Variants in OR1J2 observed in about 807,000 individuals in gnomAD.
The protein encoded by OR1J2 is olfactory receptor family 1 subfamily J member 2, also known as olfactory receptor 1J2.
For missense variants in OR1J2, 304 were observed against 246.1 expected, an observed-to-expected ratio of 1.24 and a Z score of -1.57; for synonymous variants, 142 against 99.7, an observed-to-expected ratio of 1.42 and a Z score of -2.52.
At chr9:122,542,069 T>C in the OR1J2 span, among the ~76,000 whole-genome samples, 1 of 152,192 alleles carries the variant, frequency 6.6e-6, no homozygotes, top group East Asian at 1.9e-4. Context: ...GAAGTTCAGG[T>C]AAAAGGAATT....
At chr9:122,544,415 C>CTTTTTTTTTTTTTTTTTTTT in the OR1J2 span, among the ~76,000 whole-genome samples, 1 of 85,356 alleles carries the variant, frequency 1.2e-5, no homozygotes, top group Non-Finnish European at 2.2e-5. Flanking sequence ...CCTCTTTTTT[C>CTTTTTTTTTTTTTTTTTTTT]TTTTTTTTTT....
the OR1J2 span, among the ~76,000 whole-genome samples, chr9:122,566,794 G>A: frequency 5.3e-5 from 8 of 152,046 alleles, no homozygotes; most frequent in African/African-American, 1.7e-4. Flanking sequence ...GTTTCTAGAC[G>A]AAGTATTAAA....
the OR1J2 span, chr9:122,553,540 T>C: frequency 6.2e-7 from 1 of 1,614,006 alleles, no homozygotes; most frequent in African/African-American, 1.3e-5. Context: ...CTCCTTATGT[T>C]TGGTGGCCTT....
the OR1J2 span, among the ~76,000 whole-genome samples, chr9:122,551,550 C>T: frequency 4.2e-3 from 637 of 152,336 alleles, 6 homozygotes; most frequent in African/African-American, 0.015. Context: ...CAAGTGCTGA[C>T]TTGCCTAATG....
chr9:122,487,458 A>AAC, the OR1J2 span, among the ~76,000 whole-genome samples: 6,200 of 149,004 alleles, frequency 0.042, 161 homozygotes, highest in East Asian at 0.089. Context: ...GGAGATGATT[A>AAC]ACACACACAC....
the OR1J2 span, among the ~76,000 whole-genome samples, chr9:122,577,400 A>C: frequency 6.6e-6 from 1 of 152,224 alleles, no homozygotes; most frequent in Non-Finnish European, 1.5e-5. Flanking sequence ...TGACCTCCAC[A>C]TACAAAAATC....
At chr9:122,498,852 C>A in the OR1J2 span, among the ~76,000 whole-genome samples, 1 of 152,186 alleles carries the variant, frequency 6.6e-6, no homozygotes, top group East Asian at 1.9e-4. Context: ...CTTTTCTCCT[C>A]TCCCCATGAG....
the OR1J2 span, chr9:122,519,961 C>A: frequency 3.7e-6 from 6 of 1,613,984 alleles, no homozygotes; most frequent in African/African-American, 5.3e-5. Flanking sequence ...GACGTAATTG[C>A]CTCTGTGATG....
At chr9:122,448,912 T>G in the OR1J2 span, 2 of 149,746 alleles carry the variant, frequency 1.3e-5, no homozygotes, top group African/African-American at 4.9e-5. Flanking sequence ...GACCTCTCTT[T>G]CTTTTCCATA....
At chr9:122,526,452 G>T in the OR1J2 span, 2 of 1,537,924 alleles carry the variant, frequency 1.3e-6, no homozygotes, top group Non-Finnish European at 1.7e-6. Flanking sequence ...GTTCAACATG[G>T]GAGTCACTAT....
chr9:122,544,127 T>C, the OR1J2 span, among the ~76,000 whole-genome samples: 1 of 152,138 alleles, frequency 6.6e-6, no homozygotes, highest in South Asian at 2.1e-4. Flanking sequence ...CTCATAAATA[T>C]ATAAAGTTGT....
chr9:122,468,522 A>T, the OR1J2 span, among the ~76,000 whole-genome samples: 1 of 152,164 alleles, frequency 6.6e-6, no homozygotes, highest in Non-Finnish European at 1.5e-5. Context: ...GGTAATTCTA[A>T]TCATAAACTC....
At chr9:122,557,439 G>A in the OR1J2 span, among the ~76,000 whole-genome samples, 93 of 152,086 alleles carry the variant, frequency 6.1e-4, no homozygotes, top group Middle Eastern at 3.4e-3. Flanking sequence ...TTTTTGTGAA[G>A]TGCTTTTTCT....
the OR1J2 span, chr9:122,577,017 T>C: frequency 1.3e-5 from 2 of 152,184 alleles, no homozygotes; most frequent in Admixed American, 6.5e-5. Context: ...TGATGTATAA[T>C]TGGGTTTTTA....
chr9:122,510,951 G>A lies in OR1J2; in HGVS notation c.150G>A (p.Gln50=). The A allele has an allele frequency of 6.2e-7, 1 of 1,612,526 alleles. No individual in the cohort carries two copies. Among genetic ancestry groups the A allele is most frequent in the Non-Finnish European group, 8.5e-7 (1 of 1,178,564 alleles). Reference sequence around the variant, plus strand: ...ACCTGCTCATCATGCTGCTCATCCAGCTGGACTCTCACCTTCACACCCCCA... The same window carrying A: ...ACCTGCTCATCATGCTGCTCATCCAACTGGACTCTCACCTTCACACCCCCA... ...LGNLLIMLLI[Q]LDSHLHTPMY... The change falls in exon 1 of 1, where the codon CAG becomes CAA. Residue 50 remains glutamine (Q), a synonymous_variant. Coordinates refer to ENST00000335302, the MANE Select transcript of OR1J2 (RefSeq NM_054107.1).
At chr9:122,508,702 C>T (rs561739708), upstream of OR1J2, among the ~76,000 whole-genome samples, 1 of 152,236 alleles carries the variant, frequency 6.6e-6, no homozygotes, top group African/African-American at 2.4e-5. Flanking sequence ...ATTCTGGTCC[C>T]TAGATAACCA....
chr9:122,566,576 G>A, the OR1J2 span, among the ~76,000 whole-genome samples: 1 of 152,086 alleles, frequency 6.6e-6, no homozygotes, highest in Non-Finnish European at 1.5e-5. Flanking sequence ...TACACTTTAT[G>A]GAATTAGTCA....
At chr9:122,481,451 T>C in the OR1J2 span, among the ~76,000 whole-genome samples, 1 of 151,682 alleles carries the variant, frequency 6.6e-6, no homozygotes, top group East Asian at 1.9e-4. Context: ...AAAACACTAG[T>C]ATTCCGGACA....
chr9:122,523,540 T>C, the OR1J2 span, among the ~76,000 whole-genome samples: 1 of 152,094 alleles, frequency 6.6e-6, no homozygotes, highest in Non-Finnish European at 1.5e-5. Context: ...TCATTGTACA[T>C]TCAGGTAACA....
Sources: allele counts gnomAD v4.1 joint callset (sites outside exome capture counted in the v4.1 genomes callset), GRCh38; gene constraint gnomAD v4.1.1; transcripts MANE v1.5; gene names NCBI Gene and HGNC (gene_info 2026-07-23, HGNC 2026-07-21).